Variants in CCDC136 observed in about 807,000 individuals in gnomAD.
CCDC136 encodes the protein coiled-coil domain-containing protein 136.
A neutral mutation model predicts 141.2 loss-of-function variants in CCDC136; 100 were observed. That is an observed-to-expected ratio of 0.71 (90% CI 0.60 to 0.84). The LOEUF is 0.84. Ranked by LOEUF, CCDC136 falls within the 40% of genes least tolerant of loss-of-function variation. The pLI, the probability that CCDC136 is intolerant of heterozygous loss-of-function variation, is 0.00. For missense variants in CCDC136, 1,206 were observed against 1,379.4 expected (o/e 0.87, Z 1.99); for synonymous variants, 474 against 531.9 (o/e 0.89, Z 1.50).
chr7:128,819,896 AT>A (rs1807203233), intron 17 of CCDC136, among the ~76,000 whole-genome samples: 2 of 152,036 alleles, frequency 1.3e-5, no homozygotes, highest in South Asian at 2.1e-4. Flanking sequence ...CTAATATATT[AT>A]TTATTTATTT....
At chr7:128,812,979 T>C (rs1806020025) in intron 14 of CCDC136, 50 bp downstream of exon 14, 4 of 1,327,070 alleles carry the variant, frequency 3.0e-6, no homozygotes, top group East Asian at 2.5e-5. Context: ...CCTGGAGCCA[T>C]AGAGGTCATG....
At chr7:128,804,294 C>T (rs554765146) in intron 4 of CCDC136, among the ~76,000 whole-genome samples, 1 of 152,324 alleles carries the variant, frequency 6.6e-6, no homozygotes, top group African/African-American at 2.4e-5. Flanking sequence ...GGAAATTTTA[C>T]ATACAGTAAA....
chr7:128,820,537 G>C (rs1361417522), intron 17 of CCDC136, among the ~76,000 whole-genome samples: 3 of 152,158 alleles, frequency 2.0e-5, no homozygotes, highest in Non-Finnish European at 2.9e-5. Flanking sequence ...TCTTAGCAAT[G>C]CACATTAGGA....
intron 3 of CCDC136, among the ~76,000 whole-genome samples, chr7:128,799,905 A>G (rs1479597819): frequency 6.6e-6 from 1 of 152,210 alleles, no homozygotes; most frequent in Non-Finnish European, 1.5e-5. Context: ...AAACTCTGAG[A>G]TGCTCCATAG....
At chr7:128,813,807 C>T (rs534373557) in intron 14 of CCDC136, among the ~76,000 whole-genome samples, 11 of 152,072 alleles carry the variant, frequency 7.2e-5, no homozygotes, top group African/African-American at 2.4e-4. Context: ...TTGGAGAAAC[C>T]CCATCTCTAC....
Position 128,794,102 on chromosome 7 carries a change from G to A in CCDC136, c.17-246G>A, listed in dbSNP as rs917488047. Reference sequence around the variant, plus strand: ...GGGCACCAGCCTGCCCACAGGCAGTGATAGGAGGCTACCAAGTGCAACATT... The same window carrying A: ...GGGCACCAGCCTGCCCACAGGCAGTAATAGGAGGCTACCAAGTGCAACATT... On this transcript the variant is annotated intron_variant, in intron 1 of 17. Transcript: ENST00000297788. The surrounding 1 kb of genome is among the most constrained non-coding windows in gnomAD (Gnocchi z 4.3). Among the ~76,000 whole-genome samples the A allele has an allele frequency of 6.6e-6, 1 of 152,252 alleles. No individual in the cohort carries two copies. The highest frequency in any genetic ancestry group is 2.4e-5 in the African/African-American group (1 of 41,472).
chr7:128,794,267 C>T lies in CCDC136; in HGVS notation c.17-81C>T. 1 of 1,543,530 alleles carries T rather than the reference C, an allele frequency of 6.5e-7. No individual in the cohort carries two copies. The highest frequency in any genetic ancestry group is 8.8e-7 in the Non-Finnish European group (1 of 1,140,860). On this transcript the variant is annotated intron_variant, in intron 1 of 17. Coordinates refer to ENST00000297788, the MANE Select transcript of CCDC136 (RefSeq NM_022742.5). The surrounding 1 kb of genome is among the most constrained non-coding windows in gnomAD (Gnocchi z 4.3). Reference sequence around the variant, plus strand: ...CACTAGTATGTCATCTCTGCCCTGGCATAGTGAGTTTGAGGGCCCTGGAAG... The same window carrying T: ...CACTAGTATGTCATCTCTGCCCTGGTATAGTGAGTTTGAGGGCCCTGGAAG...
rs555711741 is a variant in CCDC136, at chr7:128,799,592, A to G, written c.347-1594A>G. ...GGGAGACTTAAGTACACACACACAT[A>G]TAGCAAAGTACAAGGTTTTATGAGA... On this transcript the variant is annotated intron_variant, in intron 3 of 17. Transcript: ENST00000297788. 2.6e-4 allele frequency among the ~76,000 whole-genome samples: 40 copies of G among 152,134 alleles called. No homozygotes were observed. In the South Asian group the frequency reaches 5.6e-3, roughly 21 times the overall value.
At chr7:128,808,700 T>C in intron 10 of CCDC136, 3 of 985,452 alleles carry the variant, frequency 3.0e-6, no homozygotes, top group Non-Finnish European at 3.6e-6. Context: ...AGCAGTCTCT[T>C]TGCCTTTCTA....
chr7:128,794,271 G>A lies in CCDC136; in HGVS notation c.17-77G>A, dbSNP rs1324862195. On this transcript the variant is annotated intron_variant, in intron 1 of 17. Transcript: ENST00000297788. This position sits in a 1 kb window ranked among gnomAD's most constrained non-coding sequence, Gnocchi z 4.3. ...AGTATGTCATCTCTGCCCTGGCATAGTGAGTTTGAGGGCCCTGGAAGGACG... is the reference window on the plus strand; with the variant it reads ...AGTATGTCATCTCTGCCCTGGCATAATGAGTTTGAGGGCCCTGGAAGGACG... 8 of 1,547,456 alleles carry A rather than the reference G, an allele frequency of 5.2e-6. No homozygotes were observed. Among genetic ancestry groups the A allele is most frequent in the African/African-American group, 1.4e-5 (1 of 72,936 alleles).
chr7:128,806,246 C>T lies in CCDC136; in HGVS notation c.1099C>T (p.Leu367=). The T allele has an allele frequency of 6.4e-7, 1 of 1,563,958 alleles. No individual in the cohort carries two copies. The highest frequency in any genetic ancestry group is 1.2e-5 in the South Asian group (1 of 84,504). Residue 367 remains leucine, a synonymous_variant, in exon 8 of 18, where the codon CTG becomes TTG. Transcript: ENST00000297788. ...TSHSVTQNEE[L]KSRLCTLQKK... ...ATCCTCCCTACCACAGAATGAGGAG[C>T]TGAAGTCCAGACTCTGTACCCTGCA...
intron 10 of CCDC136, chr7:128,808,703 C>T (rs1562923125): frequency 1.0e-6 from 1 of 985,412 alleles, no homozygotes; most frequent in Non-Finnish European, 1.2e-6. Flanking sequence ...AGTCTCTTTG[C>T]CTTTCTATAT....
At chr7:128,797,310 A>G (rs187271033) in intron 3 of CCDC136, among the ~76,000 whole-genome samples, 1 of 152,334 alleles carries the variant, frequency 6.6e-6, no homozygotes, top group East Asian at 1.9e-4. Flanking sequence ...GGGAGAAAAC[A>G]GGGCCGGAGA....
In CCDC136 at chr7:128,794,934, C is replaced by T. The variant is rs1802720262; in HGVS notation, c.346+166C>T. ...CACCCTTTTCCTCTCCTTGTCTCTC[C>T]ATCCTCCTCTGTCCCCAGTTTTCTT... On this transcript the variant is annotated intron_variant, in intron 3 of 17. Transcript: ENST00000297788. The surrounding 1 kb of genome is among the most constrained non-coding windows in gnomAD (Gnocchi z 4.3). Among the ~76,000 whole-genome samples the T allele has an allele frequency of 6.6e-6, 1 of 152,164 alleles. No homozygotes were observed. Among genetic ancestry groups the T allele is most frequent in the Admixed American group, 6.5e-5 (1 of 15,276 alleles).
chr7:128,819,066 T>C (rs536107386), intron 17 of CCDC136, among the ~76,000 whole-genome samples: 4 of 152,346 alleles, frequency 2.6e-5, no homozygotes, highest in Non-Finnish European at 4.4e-5. Context: ...CTTTACTCCC[T>C]GGTCCACAAC....
chr7:128,812,683 A>C (rs745466051), intron 13 of CCDC136, 25 bp from the exon 14 acceptor site: 6 of 1,577,920 alleles, frequency 3.8e-6, no homozygotes, highest in Non-Finnish European at 5.2e-6. Context: ...TCAGGGTGCT[A>C]TTGTTGCTCC....
rs1269484544 is a variant in CCDC136 at position 128,817,284 on chromosome 7, C to A, written c.3364-474C>A. Among the ~76,000 whole-genome samples the A allele has an allele frequency of 6.6e-6, 1 of 152,102 alleles. No individual in the cohort carries two copies. The highest frequency in any genetic ancestry group is 1.5e-5 in the Non-Finnish European group (1 of 68,036). On this transcript the variant is annotated intron_variant, in intron 16 of 17. Coordinates refer to ENST00000297788, the MANE Select transcript of CCDC136 (RefSeq NM_022742.5). This position sits in a 1 kb window ranked among gnomAD's most constrained non-coding sequence, Gnocchi z 4.6. Reference sequence around the variant, plus strand: ...GTTTGTTTCGGTGCATGTTGTCTTACAATGATATCATTAGATTCCTAGGGG... The same window carrying A: ...GTTTGTTTCGGTGCATGTTGTCTTAAAATGATATCATTAGATTCCTAGGGG...
At chr7:128,813,807 C>G (rs534373557) in intron 14 of CCDC136, among the ~76,000 whole-genome samples, 1 of 151,954 alleles carries the variant, frequency 6.6e-6, no homozygotes, top group Admixed American at 6.6e-5. Flanking sequence ...TTGGAGAAAC[C>G]CCATCTCTAC....
intron 4 of CCDC136, among the ~76,000 whole-genome samples, chr7:128,802,803 A>T (rs973361126): frequency 6.6e-6 from 1 of 152,206 alleles, no homozygotes; most frequent in South Asian, 2.1e-4. Context: ...CTTTTTTGTA[A>T]ATCTAAAACT....
Sources: allele counts gnomAD v4.1 joint callset (sites outside exome capture counted in the v4.1 genomes callset), GRCh38; gene constraint gnomAD v4.1.1; non-coding constraint Gnocchi (gnomAD v3.1); transcripts MANE v1.5; gene names NCBI Gene and HGNC (gene_info 2026-07-23, HGNC 2026-07-21).